Variants in DAB1 observed in about 807,000 individuals in gnomAD.
DAB1 encodes disabled homolog 1.
Under a neutral mutation model 64.6 loss-of-function variants are expected in DAB1, and 15 were observed. The ratio of observed to expected loss-of-function variants is 0.23; its 90% CI spans 0.16 to 0.36. DAB1 has a LOEUF of 0.36. Ranked by LOEUF, DAB1 falls within the 10% of genes least tolerant of loss-of-function variation. The probability of loss-of-function intolerance (pLI) is 1.00; values close to 1 mark genes in which losing one functional copy is unlikely to be tolerated. For missense variants in DAB1, 596 were observed against 706.7 expected (o/e 0.84, Z 1.78); for synonymous variants, 235 against 251.9 (o/e 0.93, Z 0.64).
chr1:57,361,330 C>A (rs564463038), intron 1 of DAB1, among the ~76,000 whole-genome samples: 1 of 152,134 alleles, frequency 6.6e-6, no homozygotes, highest in South Asian at 2.1e-4. Context: ...AGAGCATGGA[C>A]GTGGAATCAG....
At chr1:57,939,239 G>A (rs543172519) in intron 5 of DAB1, among the ~76,000 whole-genome samples, 2 of 152,026 alleles carry the variant, frequency 1.3e-5, no homozygotes, top group African/African-American at 4.8e-5. Flanking sequence ...CCCTTATGAG[G>A]GCACTAATCC....
rs887563061 is a variant in DAB1 at position 58,130,565 on chromosome 1, C to A, written n.387+19946G>T. Reference sequence around the variant, plus strand: ...TTCTTCCTAGTCTTGATGGTCTTTACATTTTGGCATGATTTTGCAGCGGCT... The same window carrying A: ...TTCTTCCTAGTCTTGATGGTCTTTAAATTTTGGCATGATTTTGCAGCGGCT... On this transcript the variant is annotated intron_variant and non_coding_transcript_variant, in intron 5 of 20. Transcript: ENST00000485760. 2.0e-4 allele frequency among the ~76,000 whole-genome samples: 31 copies of A among 152,200 alleles called. 1 individual carries two copies. Among genetic ancestry groups the A allele is most frequent in the Non-Finnish European group, 3.4e-4 (23 of 67,988 alleles).
intron 7 of DAB1, among the ~76,000 whole-genome samples, chr1:57,486,464 T>A (rs1323636728): frequency 6.6e-6 from 1 of 152,192 alleles, no homozygotes; most frequent in Admixed American, 6.5e-5. Context: ...ACAAGCAGCA[T>A]AGTTTGTACC....
At chr1:58,337,260 T>C (rs192471889) in intron 4 of DAB1, among the ~76,000 whole-genome samples, 1,573 of 148,234 alleles carry the variant, frequency 0.011, 17 homozygotes, top group South Asian at 0.046. Flanking sequence ...CCAGCCTGGT[T>C]GACAGAGCGA....
At chr1:58,085,752 C>A (rs111271930) in intron 5 of DAB1, among the ~76,000 whole-genome samples, 127 of 152,128 alleles carry the variant, frequency 8.3e-4, no homozygotes, top group African/African-American at 2.8e-3. Flanking sequence ...TCCCCCTACA[C>A]GCTCCAACCC....
intron 7 of DAB1, among the ~76,000 whole-genome samples, chr1:57,590,782 A>ACACCCC (rs1491356045): frequency 7.9e-6 from 1 of 126,376 alleles, no homozygotes; most frequent in Non-Finnish European, 1.8e-5. Context: ...ACACACACAC[A>ACACCCC]CCCCACTCAC....
intron 7 of DAB1, among the ~76,000 whole-genome samples, chr1:57,442,032 AT>A (rs1425163816): frequency 1.3e-5 from 2 of 152,150 alleles, no homozygotes; most frequent in Admixed American, 6.5e-5. Flanking sequence ...ATCTCTAATG[AT>A]TAGTGATGAG....
At chr1:58,043,691 G>T (rs1252703332) in intron 5 of DAB1, among the ~76,000 whole-genome samples, 1 of 152,108 alleles carries the variant, frequency 6.6e-6, no homozygotes, top group Non-Finnish European at 1.5e-5. Context: ...GCCATGAAAT[G>T]AATACTTGAC....
chr1:58,180,473 T>C (rs1178923027), intron 4 of DAB1, among the ~76,000 whole-genome samples: 1 of 151,570 alleles, frequency 6.6e-6, no homozygotes, highest in African/African-American at 2.4e-5. Flanking sequence ...TTTAAAATTT[T>C]TCATAGAGGC....
chr1:58,349,495 C>A (rs903779524), intron 3 of DAB1, among the ~76,000 whole-genome samples: 1 of 151,828 alleles, frequency 6.6e-6, no homozygotes, highest in Non-Finnish European at 1.5e-5. Context: ...GTTCGGGGTA[C>A]ATGTGCAGAA....
intron 3 of DAB1, among the ~76,000 whole-genome samples, chr1:58,501,556 G>C (rs928687185): frequency 3.3e-5 from 5 of 151,978 alleles, no homozygotes; most frequent in African/African-American, 1.2e-4. Context: ...TTTTCTTCTT[G>C]TTGCTCCTGC....
At chr1:57,312,961 G>A (rs952149197) in intron 1 of DAB1, among the ~76,000 whole-genome samples, 9 of 152,106 alleles carry the variant, frequency 5.9e-5, no homozygotes, top group Non-Finnish European at 1.2e-4. Flanking sequence ...TCACGGCAGC[G>A]CTTGCTCTCA....
intron 7 of DAB1, among the ~76,000 whole-genome samples, chr1:57,585,248 GAAAAAAAAAAAAAAAA>G (rs61528761): frequency 2.3e-5 from 1 of 44,266 alleles, no homozygotes; most frequent in South Asian, 2.0e-3. Flanking sequence ...GACTCTTTCT[GAAAAAAAAAAAAAAAA>G]AAAAAAAAAA....
intron 4 of DAB1, among the ~76,000 whole-genome samples, chr1:57,116,461 CAAA>C (rs61590002): frequency 0.035 from 2,543 of 71,896 alleles, 69 homozygotes; most frequent in African/African-American, 0.13. Context: ...GACTCTGTCT[CAAA>C]AAAAAAAAAA....
At chr1:58,483,214 A>T (rs338225) in intron 3 of DAB1, among the ~76,000 whole-genome samples, 63,369 of 152,004 alleles carry the variant, frequency 0.42, 15,428 homozygotes, top group African/African-American at 0.68. Flanking sequence ...GCCTTGTGTG[A>T]ATGTGTTCAA....
intron 7 of DAB1, among the ~76,000 whole-genome samples, chr1:57,592,158 T>C (rs1645452728): frequency 6.6e-6 from 1 of 151,974 alleles, no homozygotes; most frequent in Non-Finnish European, 1.5e-5. Flanking sequence ...GATTTCCAAA[T>C]AGGAACATCT....
intron 4 of DAB1, among the ~76,000 whole-genome samples, chr1:57,120,228 CT>C (rs1043066379): frequency 6.6e-6 from 1 of 152,090 alleles, no homozygotes; most frequent in African/African-American, 2.4e-5. Context: ...ATTTTCTTAT[CT>C]GTAAAATAAG....
At chr1:57,335,563 C>T (rs1677016484) in intron 1 of DAB1, among the ~76,000 whole-genome samples, 1 of 152,150 alleles carries the variant, frequency 6.6e-6, no homozygotes, top group African/African-American at 2.4e-5. Flanking sequence ...TGTGCCATTT[C>T]AGTTAAAATA....
At chr1:57,966,617 TTA>T (rs1158618596) in intron 5 of DAB1, among the ~76,000 whole-genome samples, 4 of 152,160 alleles carry the variant, frequency 2.6e-5, no homozygotes, top group African/African-American at 7.2e-5. Context: ...GTTATTTTAG[TTA>T]TGTTTTGGGG....
Sources: allele counts gnomAD v4.1 joint callset (sites outside exome capture counted in the v4.1 genomes callset), GRCh38; gene constraint gnomAD v4.1.1; transcripts MANE v1.5; gene names NCBI Gene and HGNC (gene_info 2026-07-23, HGNC 2026-07-21).